AGK: variants seen among roughly 807,000 people sequenced by gnomAD.
The protein encoded by AGK is acylglycerol kinase.
A neutral mutation model predicts 66.4 loss-of-function variants in AGK; 52 were observed. The ratio of observed to expected loss-of-function variants is 0.78; its 90% confidence interval spans 0.63 to 0.99. The LOEUF is 0.99. Ranked by LOEUF, AGK falls within the 50% of genes least tolerant of loss-of-function variation. The probability of loss-of-function intolerance (pLI) is 0.00; values close to 1 mark genes in which losing one functional copy is unlikely to be tolerated. For missense variants in AGK, 451 were observed against 506.6 expected, an observed-to-expected ratio of 0.89 and a Z score of 1.05; for synonymous variants, 182 against 181.1, an observed-to-expected ratio of 1.00 and a Z score of -0.04.
intron 4 of AGK, chr7:141,597,397 A>T (rs1796250243): frequency 6.6e-6 from 1 of 152,232 alleles, no homozygotes; most frequent in African/African-American, 2.4e-5. Context: ...TTTTTTTTAC[A>T]ATGTTAGATG....
intron 8 of AGK, among the ~76,000 whole-genome samples, chr7:141,618,418 C>T (rs1796752287): frequency 6.6e-6 from 1 of 152,116 alleles, no homozygotes. Context: ...GTACCTACTT[C>T]AGAAGATTGT....
intron 4 of AGK, among the ~76,000 whole-genome samples, chr7:141,600,751 T>G (rs1173043604): frequency 6.6e-6 from 1 of 152,210 alleles, no homozygotes; most frequent in Non-Finnish European, 1.5e-5. Flanking sequence ...AGAGAGGGCA[T>G]GACTGTGCCT....
chr7:141,593,618 G>C, intron 3 of AGK: 1 of 531,336 alleles, frequency 1.9e-6, no homozygotes, highest in South Asian at 2.7e-5. Context: ...TCATCTCCAA[G>C]TTCAACTGAT....
At chr7:141,592,236 A>G (rs1315567409) in intron 2 of AGK, among the ~76,000 whole-genome samples, 1 of 152,226 alleles carries the variant, frequency 6.6e-6, no homozygotes, top group African/African-American at 2.4e-5. Flanking sequence ...TCACTGGGCT[A>G]AGACAAAGTG....
intron 2 of AGK, among the ~76,000 whole-genome samples, chr7:141,586,178 G>A (rs979550455): frequency 6.6e-6 from 1 of 152,102 alleles, no homozygotes; most frequent in African/African-American, 2.4e-5. Flanking sequence ...CCTCTTTAGA[G>A]GGTACTTCTT....
intron 3 of AGK, chr7:141,593,748 C>T (rs1162269806): frequency 5.5e-6 from 1 of 181,548 alleles, no homozygotes; most frequent in Non-Finnish European, 1.1e-5. Flanking sequence ...TTTGCCCCCC[C>T]ACTGCAAAAA....
At chr7:141,622,229 TACAGGC>T (rs1000628250) in intron 9 of AGK, among the ~76,000 whole-genome samples, 11 of 152,174 alleles carry the variant, frequency 7.2e-5, no homozygotes, top group African/African-American at 2.7e-4. Flanking sequence ...TAGCTGAAAT[TACAGGC>T]ACCCACCTCC....
At chr7:141,624,793 C>G (rs1472255011) in intron 9 of AGK, among the ~76,000 whole-genome samples, 1 of 152,188 alleles carries the variant, frequency 6.6e-6, no homozygotes, top group Non-Finnish European at 1.5e-5. Context: ...ATTACATAAA[C>G]TTAGTTGACA....
intron 2 of AGK, among the ~76,000 whole-genome samples, chr7:141,564,034 C>T (rs207468677): frequency 6.6e-6 from 1 of 152,142 alleles, no homozygotes; most frequent in South Asian, 2.1e-4. Context: ...GATCATAACT[C>T]ACTGCAGCCT....
chr7:141,622,478 C>A (rs776357790), intron 9 of AGK, among the ~76,000 whole-genome samples: 1 of 152,198 alleles, frequency 6.6e-6, no homozygotes, highest in Non-Finnish European at 1.5e-5. Context: ...TTTTGGTAAT[C>A]CTCACAATAC....
At chr7:141,651,317 T>C (rs1181180035) in intron 14 of AGK, among the ~76,000 whole-genome samples, 1 of 152,246 alleles carries the variant, frequency 6.6e-6, no homozygotes, top group African/African-American at 2.4e-5. Context: ...CATAACTTCA[T>C]GCCCAGTTCT....
At chr7:141,551,468 T>A (rs1440758302) in intron 1 of AGK, 34 bp downstream of exon 1, 1 of 153,152 alleles carries the variant, frequency 6.5e-6, no homozygotes, top group Non-Finnish European at 1.5e-5. Context: ...GGGAGCGCAG[T>A]GCGGGTCGCT....
chr7:141,630,054 T>G (rs1283276333), intron 9 of AGK, among the ~76,000 whole-genome samples: 1 of 152,192 alleles, frequency 6.6e-6, no homozygotes, highest in African/African-American at 2.4e-5. Context: ...TCAAACCAAG[T>G]AAGTTTGGTA....
intron 2 of AGK, among the ~76,000 whole-genome samples, chr7:141,556,540 C>CA (rs35273565): frequency 0.066 from 5,789 of 87,996 alleles, 148 homozygotes; most frequent in Middle Eastern, 0.098. Context: ...GACCCTGTCT[C>CA]AAAAAAAAAA....
rs1562956645 is a variant in AGK at position 141,555,557 on chromosome 7, G to A, written c.91G>A (p.Gly31Arg). The change falls in exon 2 of 16, where the codon GGA (glycine) becomes AGA (arginine). Residue 31 changes from glycine (G) to arginine (R), a missense_variant. Physicochemically the swap from Gly to Arg is moderately radical, Grantham distance 125. Transcript: ENST00000649286. This position sits in a 1 kb window ranked among gnomAD's most constrained non-coding sequence, Gnocchi z 4.2. Reference sequence around the variant, plus strand: ...GACCTGGGGAGGCCATTGGCTCTATGGAAAACACTGGTAACTATCTGACAG... The same window carrying A: ...GACCTGGGGAGGCCATTGGCTCTATAGAAAACACTGGTAACTATCTGACAG... Reference protein sequence around the residue: ...LLTWGGHWLYGKHCDNLLRRA... With the variant: ...LLTWGGHWLYRKHCDNLLRRA... 15 of 1,612,852 alleles carry A rather than the reference G, an allele frequency of 9.3e-6. No homozygotes were observed. Among genetic ancestry groups the A allele is most frequent in the Non-Finnish European group, 1.3e-5 (15 of 1,179,224 alleles).
intron 5 of AGK, among the ~76,000 whole-genome samples, chr7:141,608,385 A>G (rs1015295700): frequency 2.0e-5 from 3 of 152,178 alleles, no homozygotes; most frequent in African/African-American, 7.2e-5. Flanking sequence ...AAGAAGTATC[A>G]CAGTATCACG....
intron 9 of AGK, among the ~76,000 whole-genome samples, chr7:141,628,867 A>G (rs1796997308): frequency 6.6e-6 from 1 of 152,208 alleles, no homozygotes; most frequent in African/African-American, 2.4e-5. Context: ...ATAGACATCT[A>G]TGATGCCTGA....
chr7:141,618,197 G>A (rs1796747919), intron 8 of AGK, among the ~76,000 whole-genome samples: 1 of 152,228 alleles, frequency 6.6e-6, no homozygotes, highest in Admixed American at 6.5e-5. Flanking sequence ...GGGGAGGCCT[G>A]TAGAGCACCC....
intron 7 of AGK, among the ~76,000 whole-genome samples, chr7:141,615,015 C>T (rs1349887123): frequency 6.6e-6 from 1 of 152,128 alleles, no homozygotes; most frequent in Non-Finnish European, 1.5e-5. Context: ...ATTATTTGAA[C>T]TTGTTTATTC....
Sources: gnomAD v4.1 joint callset for allele counts (sites outside exome capture counted in the v4.1 genomes callset) on GRCh38, gnomAD v4.1.1 for gene constraint, Gnocchi (gnomAD v3.1) non-coding constraint, MANE v1.5 for transcripts, NCBI Gene and HGNC (gene_info 2026-07-23, HGNC 2026-07-21) for gene names.